The following NRXN1 variants were observed in gnomAD, a reference collection of about 807,000 sequenced individuals.
NRXN1 encodes the protein neurexin 1, also known as neurexin-1.
In NRXN1, 39 loss-of-function variants were observed where a neutral mutation model predicts 150.9. The observed-to-expected ratio is 0.26, with a 90% CI of 0.20 to 0.34. NRXN1 has a LOEUF of 0.34. Among genes scored for constraint, NRXN1 ranks in the 10% least tolerant of loss-of-function variants. The probability of loss-of-function intolerance (pLI) is 1.00; values close to 1 mark genes in which losing one functional copy is unlikely to be tolerated. For missense variants in NRXN1, 1,815 were observed against 1,949.9 expected (o/e 0.93, Z 1.30); for synonymous variants, 924 against 757.0 (o/e 1.22, Z -3.62).
At chr2:49,969,494 G>C (rs1411088855) in intron 21 of NRXN1, among the ~76,000 whole-genome samples, 1 of 151,908 alleles carries the variant, frequency 6.6e-6, no homozygotes, top group Non-Finnish European at 1.5e-5. Context: ...CAATAAAATG[G>C]TTTTGAAGTC....
rs186819684 is a variant in NRXN1, at chr2:50,564,998, C to T, written c.1321-11973G>A. On this transcript the variant is annotated intron_variant, in intron 8 of 22. Transcript: ENST00000401669. ...AGAACTGAGAAACATATTGGCTCTA[C>T]GGAAGCTCAATCAGCTCCCAGGCAG... 9.9e-5 allele frequency among the ~76,000 whole-genome samples: 15 copies of T among 152,168 alleles called. No individual in the cohort carries two copies. In the East Asian group the frequency reaches 2.1e-3, roughly 22 times the overall value.
chr2:50,704,266 T>A (rs531807730), intron 5 of NRXN1, among the ~76,000 whole-genome samples: 1 of 152,168 alleles, frequency 6.6e-6, no homozygotes, highest in African/African-American at 2.4e-5. Context: ...TCCAAGCTTG[T>A]CCTCTTGCTG....
intron 22 of NRXN1, among the ~76,000 whole-genome samples, chr2:49,931,011 G>A (rs1047412540): frequency 3.3e-5 from 5 of 152,200 alleles, no homozygotes; most frequent in African/African-American, 1.2e-4. Context: ...GTGCACACCT[G>A]TAGTCCTAGC....
At chr2:50,510,740 G>C (rs2092422956) in intron 12 of NRXN1, among the ~76,000 whole-genome samples, 1 of 152,148 alleles carries the variant, frequency 6.6e-6, no homozygotes. Flanking sequence ...GTAAGAAGTA[G>C]AGAGAAGACT....
intron 18 of NRXN1, among the ~76,000 whole-genome samples, chr2:50,197,205 T>C (rs969764322): frequency 6.6e-6 from 1 of 152,158 alleles, no homozygotes; most frequent in African/African-American, 2.4e-5. Flanking sequence ...CTTTGTTTTT[T>C]TTTAGATGCA....
In NRXN1 at chr2:50,292,598, A is replaced by T. The variant is rs182678352; in HGVS notation, c.3365-55628T>A. Among the ~76,000 whole-genome samples the T allele has an allele frequency of 1.0e-3, 152 of 152,314 alleles. 2 individuals carry two copies. Among genetic ancestry groups the T allele is most frequent in the African/African-American group, 3.6e-3 (148 of 41,574 alleles). ...GGTGGGCTAAGCAAGGATCAAGACT[A>T]AAATAGTACCTTTAGAAAGCTCTGG... On this transcript the variant is annotated intron_variant, in intron 17 of 22. Coordinates refer to ENST00000401669, the MANE Select transcript of NRXN1 (RefSeq NM_001330078.2).
At chr2:50,341,855 A>G (rs1362840693) in intron 17 of NRXN1, among the ~76,000 whole-genome samples, 2 of 152,330 alleles carry the variant, frequency 1.3e-5, no homozygotes, top group East Asian at 3.9e-4. Flanking sequence ...TTATCAGATC[A>G]TTTCATGGTG....
At chr2:50,202,791 TGAGAGAGGAGG>T (rs2062276021) in intron 18 of NRXN1, among the ~76,000 whole-genome samples, 1 of 152,054 alleles carries the variant, frequency 6.6e-6, no homozygotes, top group African/African-American at 2.4e-5. Context: ...TGGTAGCAAG[TGAGAGAGGAGG>T]GTTTGAAAAT....
At chr2:50,913,679 C>T (rs985195884) in intron 5 of NRXN1, among the ~76,000 whole-genome samples, 4 of 151,628 alleles carry the variant, frequency 2.6e-5, no homozygotes, top group Admixed American at 6.6e-5. Context: ...AAAGTTAACA[C>T]GAATAATTAA....
In NRXN1 at chr2:50,019,947, C is replaced by CAAAAAAAAAAA. The variant is rs1161865745; in HGVS notation, c.4128+33313_4128+33323dup. ...TGGGTGACAAAGCAAGACTCCGTCTCAAAAAAAAAAAAAAAAAAAAAAAAA... is the reference window on the plus strand; with the variant it reads ...TGGGTGACAAAGCAAGACTCCGTCTCAAAAAAAAAAAAAAAAAAAAAAAAAAAAAAAAAAAA... On this transcript the variant is annotated intron_variant, in intron 21 of 22. Transcript: ENST00000401669. 3.6e-3 allele frequency among the ~76,000 whole-genome samples: 154 copies of CAAAAAAAAAAA among 43,320 alleles called. 11 individuals carry two copies. Among genetic ancestry groups the CAAAAAAAAAAA allele is most frequent in the Non-Finnish European group, 4.2e-3 (86 of 20,370 alleles). 28.4% of individuals were successfully genotyped at this position (43,320 alleles called of 152,430 possible).
At chr2:50,230,367 G>T (rs930007813) in intron 18 of NRXN1, among the ~76,000 whole-genome samples, 1 of 151,980 alleles carries the variant, frequency 6.6e-6, no homozygotes. Flanking sequence ...ACACGAAAAG[G>T]GAAAGAGATC....
chr2:50,722,531 G>A (rs1696807524), intron 5 of NRXN1, among the ~76,000 whole-genome samples: 1 of 152,072 alleles, frequency 6.6e-6, no homozygotes, highest in South Asian at 2.1e-4. Context: ...CAAGCAGGCT[G>A]TAAAATAAAA....
chr2:50,993,279 C>G (rs1296822878), intron 2 of NRXN1, among the ~76,000 whole-genome samples: 1 of 151,732 alleles, frequency 6.6e-6, no homozygotes, highest in East Asian at 1.9e-4. Context: ...GAATGGAGAC[C>G]GAAATAATTT....
At chr2:50,268,260 G>C (rs955159990) in intron 17 of NRXN1, among the ~76,000 whole-genome samples, 3 of 152,116 alleles carry the variant, frequency 2.0e-5, no homozygotes, top group African/African-American at 7.2e-5. Context: ...GAAGAGTTGG[G>C]CTTGAATAAG....
intron 17 of NRXN1, among the ~76,000 whole-genome samples, chr2:50,242,304 A>G (rs2066075708): frequency 1.3e-5 from 2 of 151,862 alleles, no homozygotes; most frequent in Admixed American, 1.3e-4. Context: ...CTTAAGGTTC[A>G]TAAAAAGCAA....
At chr2:49,938,855 C>T (rs192612042) in intron 22 of NRXN1, among the ~76,000 whole-genome samples, 11 of 152,238 alleles carry the variant, frequency 7.2e-5, no homozygotes, top group Non-Finnish European at 1.5e-4. Context: ...CTTTTTAAAA[C>T]TTCTTCAGGA....
rs1673433453 is a variant in NRXN1 at position 50,587,889 on chromosome 2, T to C, written c.1320+32133A>G. On this transcript the variant is annotated intron_variant, in intron 8 of 22. Transcript: ENST00000401669. Reference sequence around the variant, plus strand: ...CAGTACAAGCCAGGGTAAGATGGTATTTATATATTAAGACAAATGCAAACA... The same window carrying C: ...CAGTACAAGCCAGGGTAAGATGGTACTTATATATTAAGACAAATGCAAACA... 1.3e-5 allele frequency among the ~76,000 whole-genome samples: 2 copies of C among 151,846 alleles called. 1 individual carries two copies. The highest frequency in any genetic ancestry group is 4.1e-4 in the South Asian group (2 of 4,832).
At chr2:50,383,447 C>CA (rs1004743423) in intron 17 of NRXN1, among the ~76,000 whole-genome samples, 217 of 150,670 alleles carry the variant, frequency 1.4e-3, no homozygotes, top group African/African-American at 4.6e-3. Context: ...AGATTTAAAA[C>CA]AAAAAAAAAT....
intron 5 of NRXN1, among the ~76,000 whole-genome samples, chr2:50,758,515 G>A (rs372467896): frequency 1.2e-4 from 18 of 151,856 alleles, no homozygotes; most frequent in East Asian, 9.8e-4. Flanking sequence ...GCTGTGTTAC[G>A]CAGGCTGGAC....
Sources: allele counts gnomAD v4.1 joint callset (sites outside exome capture counted in the v4.1 genomes callset), GRCh38; gene constraint gnomAD v4.1.1; transcripts MANE v1.5; gene names NCBI Gene and HGNC (gene_info 2026-07-23, HGNC 2026-07-21).